The following ARHGAP32 variants were observed in gnomAD, a reference collection of about 807,000 sequenced individuals.
The protein encoded by ARHGAP32 is rho GTPase-activating protein 32.
A neutral mutation model predicts 186.5 loss-of-function variants in ARHGAP32; 51 were observed. That is an observed-to-expected ratio of 0.27 (90% CI 0.22 to 0.35). ARHGAP32 has a LOEUF of 0.35. ARHGAP32 is among the 10% of genes least tolerant of loss of function. The pLI is 1.00. For synonymous variants in ARHGAP32, 950 were observed against 964.3 expected (o/e 0.99, Z 0.27); for missense variants, 2,186 against 2,623.5 (o/e 0.83, Z 3.64).
intron 5 of ARHGAP32, among the ~76,000 whole-genome samples, chr11:129,112,705 T>A (rs1444925878): frequency 6.6e-6 from 1 of 152,174 alleles, no homozygotes; most frequent in African/African-American, 2.4e-5. Context: ...TACCAAACCA[T>A]CCTTTGCTGG....
chr11:129,124,711 G>A (rs1172293906), intron 3 of ARHGAP32, 92 bp downstream of exon 3: 2 of 980,410 alleles, frequency 2.0e-6, no homozygotes, highest in South Asian at 1.8e-5. Context: ...GCATATTTTT[G>A]TAAAAAGTCT....
chr11:129,027,335 C>A (rs2134938058), intron 11 of ARHGAP32, among the ~76,000 whole-genome samples: 1 of 152,280 alleles, frequency 6.6e-6, no homozygotes, highest in Non-Finnish European at 1.5e-5. Context: ...GCAAAGTGAT[C>A]CTCTTAACAA....
At chr11:129,069,349 T>C (rs189917667) in intron 6 of ARHGAP32, among the ~76,000 whole-genome samples, 2 of 152,172 alleles carry the variant, frequency 1.3e-5, no homozygotes, top group Non-Finnish European at 2.9e-5. Flanking sequence ...AGTAGGCAGA[T>C]AGAAATTGCT....
At chr11:129,243,506 T>C (rs193286420) in intron 1 of ARHGAP32, among the ~76,000 whole-genome samples, 1 of 152,242 alleles carries the variant, frequency 6.6e-6, no homozygotes, top group East Asian at 1.9e-4. Flanking sequence ...TCTTCCCAGC[T>C]CCTATCTCTC....
In ARHGAP32 at chr11:129,024,163, T is replaced by C. The variant is rs190802802; in HGVS notation, c.1045+16765A>G. On this transcript the variant is annotated intron_variant, in intron 11 of 22. Transcript: ENST00000682385. ...GTGGGAGAGCTCTGCCTCCAGGAGC[T>C]TAATCCTCCTCTCTCAGCACATACT... The C allele has an allele frequency of 8.3e-5, 82 of 985,416 alleles. No homozygotes were observed. The Middle Eastern group carries it at 1.6e-3, about 19-fold the overall frequency. 61.0% of individuals were successfully genotyped at this position (985,416 alleles called of 1,614,324 possible).
At chr11:129,140,560 T>C (rs1055431751) in intron 2 of ARHGAP32, among the ~76,000 whole-genome samples, 2 of 152,194 alleles carry the variant, frequency 1.3e-5, no homozygotes, top group Non-Finnish European at 2.9e-5. Flanking sequence ...TTCCCAGGAC[T>C]TGGGATGTAA....
chr11:128,988,724 T>G (rs1159723559), intron 12 of ARHGAP32, among the ~76,000 whole-genome samples: 1 of 152,220 alleles, frequency 6.6e-6, no homozygotes, highest in East Asian at 1.9e-4. Flanking sequence ...CTGGCCATAT[T>G]TACATTAACT....
At chr11:128,996,155 G>A (rs916144988) in intron 12 of ARHGAP32, among the ~76,000 whole-genome samples, 1 of 152,012 alleles carries the variant, frequency 6.6e-6, no homozygotes, top group Non-Finnish European at 1.5e-5. Context: ...AAAGTAAAAT[G>A]GTATTTCAAA....
chr11:129,234,642 C>T (rs115826766), intron 1 of ARHGAP32, among the ~76,000 whole-genome samples: 3,291 of 152,166 alleles, frequency 0.022, 109 homozygotes, highest in Admixed American at 0.083. Flanking sequence ...CTACTACTTA[C>T]TCAAAAAGAA....
At chr11:128,976,078 CATAT>C (rs71472082) in intron 20 of ARHGAP32, among the ~76,000 whole-genome samples, 44,024 of 145,668 alleles carry the variant, frequency 0.3, 6,723 homozygotes, top group Non-Finnish European at 0.35. Context: ...CTCTGTCTAA[CATAT>C]ATATATATAT....
intron 1 of ARHGAP32, among the ~76,000 whole-genome samples, chr11:129,263,142 G>C (rs1164941777): frequency 6.6e-6 from 1 of 152,086 alleles, no homozygotes; most frequent in African/African-American, 2.4e-5. Context: ...AGTCTTAGAA[G>C]AAAACATAGG....
At chr11:129,146,151 G>GGATACT (rs1339313834) in intron 2 of ARHGAP32, among the ~76,000 whole-genome samples, 3 of 151,998 alleles carry the variant, frequency 2.0e-5, no homozygotes, top group African/African-American at 7.2e-5. Context: ...AAAGAGCTAA[G>GGATACT]GATACTGATT....
intron 10 of ARHGAP32, among the ~76,000 whole-genome samples, chr11:129,048,080 C>A (rs1173524236): frequency 1.3e-5 from 2 of 152,164 alleles, no homozygotes; most frequent in Middle Eastern, 3.4e-3. Flanking sequence ...CCCCACCCCC[C>A]ACTCTCCTTG....
At chr11:129,054,074 A>C (rs1385525035) in intron 10 of ARHGAP32, among the ~76,000 whole-genome samples, 2 of 152,140 alleles carry the variant, frequency 1.3e-5, no homozygotes, top group Non-Finnish European at 2.9e-5. Flanking sequence ...GTAAAAAAAA[A>C]AAACTGTGCT....
chr11:129,054,993 T>C (rs533762458), intron 10 of ARHGAP32, among the ~76,000 whole-genome samples: 1 of 152,292 alleles, frequency 6.6e-6, no homozygotes, highest in South Asian at 2.1e-4. Context: ...TGCAGGTGAG[T>C]AGCAGAATTG....
intron 1 of ARHGAP32, among the ~76,000 whole-genome samples, chr11:129,207,314 A>G (rs767753151): frequency 2.0e-5 from 3 of 152,186 alleles, no homozygotes; most frequent in Non-Finnish European, 2.9e-5. Context: ...GAATCGTCAC[A>G]CTGTCTTCCA....
chr11:129,231,556 C>T (rs960223905), intron 1 of ARHGAP32, among the ~76,000 whole-genome samples: 5 of 152,248 alleles, frequency 3.3e-5, no homozygotes, highest in East Asian at 3.9e-4. Context: ...GATTCTAGCT[C>T]TCCGACATCT....
chr11:129,091,875 T>C (rs1035559816), intron 6 of ARHGAP32, among the ~76,000 whole-genome samples: 1 of 152,002 alleles, frequency 6.6e-6, no homozygotes, highest in Non-Finnish European at 1.5e-5. Context: ...TTTTCTCTCT[T>C]AGTTATAAAA....
chr11:129,208,941 T>C (rs1944547758), intron 1 of ARHGAP32, among the ~76,000 whole-genome samples: 1 of 152,154 alleles, frequency 6.6e-6, no homozygotes, highest in African/African-American at 2.4e-5. Flanking sequence ...TCAATAACTA[T>C]ATAGTCTAAC....
Sources: gnomAD v4.1 joint callset for allele counts (sites outside exome capture counted in the v4.1 genomes callset) on GRCh38, gnomAD v4.1.1 for gene constraint, MANE v1.5 for transcripts, NCBI Gene and HGNC (gene_info 2026-07-23, HGNC 2026-07-21) for gene names.